Variants in DNAH3 observed in about 807,000 individuals in gnomAD.
DNAH3 encodes the protein axonemal beta dynein heavy chain 3.
In DNAH3, 332 loss-of-function variants were observed where a neutral mutation model predicts 432.5. The ratio of observed to expected loss-of-function variants is 0.77; its 90% confidence interval spans 0.70 to 0.84. The LOEUF is 0.84. DNAH3 is among the 40% of genes least tolerant of loss of function. The probability of loss-of-function intolerance (pLI) is 0.00; values close to 1 mark genes in which losing one functional copy is unlikely to be tolerated. For synonymous variants in DNAH3, 1,956 were observed against 1,900.2 expected, an observed-to-expected ratio of 1.03 and a Z score of -0.76; for missense variants, 4,861 against 5,114.0, an observed-to-expected ratio of 0.95 and a Z score of 1.51.
chr16:21,019,920 G>A, intron 40 of DNAH3, 51 bp from the exon 41 acceptor site: 4 of 1,594,586 alleles, frequency 2.5e-6, no homozygotes, highest in Non-Finnish European at 3.4e-6. Context: ...TGCCACAGAT[G>A]TAAGGGCTGT....
At chr16:21,149,721 G>C (rs1354186127) in intron 1 of DNAH3, among the ~76,000 whole-genome samples, 1 of 152,154 alleles carries the variant, frequency 6.6e-6, no homozygotes, top group Non-Finnish European at 1.5e-5. Flanking sequence ...GGAATATATG[G>C]TCTAATGGGC....
intron 41 of DNAH3, among the ~76,000 whole-genome samples, chr16:21,017,112 T>G (rs530219103): frequency 2.0e-5 from 3 of 152,298 alleles, no homozygotes; most frequent in South Asian, 4.1e-4. Flanking sequence ...GTGAATGTAC[T>G]TAACACCACT....
In DNAH3 at chr16:20,965,126, G is replaced by A; in HGVS notation, c.8758C>T (p.Gln2920Ter). 6.2e-7 allele frequency: 1 copy of A among 1,614,080 alleles called. No homozygotes were observed. The highest frequency in any genetic ancestry group is 8.5e-7 in the Non-Finnish European group (1 of 1,180,030). ...TCTGCTCTTTTCTGGTTCAGCTTCT[G>A]CATCTGTGCAGCCAGCTTCCCCTCT... The change falls in exon 53 of 62, where the codon CAG (glutamine) becomes TAG (stop). Residue 2920 changes from glutamine (Q) to a stop codon, truncating the protein, a stop_gained. Coordinates refer to ENST00000261383, the Ensembl canonical transcript of DNAH3. LOFTEE classifies it high-confidence loss of function.
At position 21,003,364 on chromosome 16, in the gene DNAH3, T is replaced by A. The variant is rs544633089; in HGVS notation, c.6023-157A>T. On this transcript the variant is annotated intron_variant, in intron 41 of 61. Transcript: ENST00000261383. Reference sequence around the variant, plus strand: ...GAAACTTATACATTGCTGGAAAGTGTATAAACTGAAACAACACTTTTTAAA... The same window carrying A: ...GAAACTTATACATTGCTGGAAAGTGAATAAACTGAAACAACACTTTTTAAA... Among the ~76,000 whole-genome samples the A allele has an allele frequency of 2.0e-5, 3 of 152,254 alleles. No homozygotes were observed. In the South Asian group the frequency reaches 6.2e-4, roughly 31 times the overall value.
At chr16:21,120,961 C>T (rs1172234280) in intron 10 of DNAH3, 1 of 834,554 alleles carries the variant, frequency 1.2e-6, no homozygotes, top group South Asian at 1.4e-5. Context: ...CTCCCACACA[C>T]CCAGTTTTAA....
chr16:21,099,858 A>G (rs1299101373), intron 16 of DNAH3, among the ~76,000 whole-genome samples: 1 of 152,202 alleles, frequency 6.6e-6, no homozygotes, highest in African/African-American at 2.4e-5. Flanking sequence ...AAGGAAATAA[A>G]TATGTTTCTT....
At chr16:21,031,424 C>G in intron 36 of DNAH3, 138 bp from the exon 37 acceptor site, 1 of 1,127,374 alleles carries the variant, frequency 8.9e-7, no homozygotes, top group Non-Finnish European at 1.2e-6. Context: ...AAAACATGTG[C>G]TCAGTTTTTA....
intron 53 of DNAH3, 64 bp downstream of exon 53, chr16:20,963,220 G>C (rs1386248723): frequency 1.4e-6 from 2 of 1,476,896 alleles, no homozygotes; most frequent in Non-Finnish European, 1.9e-6. Context: ...TAAGGGACGG[G>C]CTACTGATAT....
exon 3 of DNAH3, chr16:21,145,254 A>T: frequency 6.2e-7 from 1 of 1,613,902 alleles, no homozygotes; most frequent in African/African-American, 1.3e-5. Context: ...CCTTCAGCAG[A>T]TCTTTCAGCT....
exon 46 of DNAH3, chr16:20,987,746 C>A: frequency 6.2e-7 from 1 of 1,614,084 alleles, no homozygotes; most frequent in Non-Finnish European, 8.5e-7. Flanking sequence ...CGTGAGAAGT[C>A]CCGCAGGTTA....
chr16:21,081,123 T>C (rs1597333474), intron 20 of DNAH3, among the ~76,000 whole-genome samples: 1 of 152,062 alleles, frequency 6.6e-6, no homozygotes, highest in African/African-American at 2.4e-5. Flanking sequence ...TTCACTATGT[T>C]GGCCAGGCTG....
chr16:21,019,502 G>C (rs1280936384), intron 41 of DNAH3, 122 bp downstream of exon 41: 3 of 1,065,780 alleles, frequency 2.8e-6, no homozygotes, highest in Non-Finnish European at 4.1e-6. Context: ...ATATTTATTA[G>C]CCACCGTGCC....
intron 34 of DNAH3, 79 bp downstream of exon 34, chr16:21,037,682 G>A: frequency 2.4e-6 from 3 of 1,244,498 alleles, no homozygotes; most frequent in Non-Finnish European, 3.5e-6. Flanking sequence ...AAGAGGGTAT[G>A]GGGAAGGCAC....
At chr16:21,128,380 C>T in intron 7 of DNAH3, among the ~76,000 whole-genome samples, 1 of 147,580 alleles carries the variant, frequency 6.8e-6, no homozygotes, top group Non-Finnish European at 1.5e-5. Context: ...GAGACATCAT[C>T]TCTCCAAAAA....
chr16:21,134,082 G>A (rs2092607222), intron 7 of DNAH3, 177 bp downstream of exon 8: 7 of 592,318 alleles, frequency 1.2e-5, no homozygotes, highest in Admixed American at 6.5e-5. Flanking sequence ...GGAGGGCCAC[G>A]TAAGCCTGCA....
At chr16:21,100,939 T>C (rs1375314836) in intron 16 of DNAH3, among the ~76,000 whole-genome samples, 1 of 152,214 alleles carries the variant, frequency 6.6e-6, no homozygotes, top group African/African-American at 2.4e-5. Flanking sequence ...TATTATTGTT[T>C]CTAATTTCTT....
At chr16:21,132,875 T>C (rs1488409809) in intron 7 of DNAH3, among the ~76,000 whole-genome samples, 1 of 151,256 alleles carries the variant, frequency 6.6e-6, no homozygotes, top group Non-Finnish European at 1.5e-5. Flanking sequence ...AAAGGGTGAA[T>C]TTTATGGAAT....
chr16:20,944,255 A>G (rs1378500545), intron 58 of DNAH3, among the ~76,000 whole-genome samples: 1 of 152,230 alleles, frequency 6.6e-6, no homozygotes, highest in African/African-American at 2.4e-5. Flanking sequence ...TGATAGGTGG[A>G]TATAGCAGAA....
chr16:20,975,586 A>T (rs916617269), intron 50 of DNAH3, among the ~76,000 whole-genome samples, 171 bp from the exon 51 acceptor site: 2 of 152,234 alleles, frequency 1.3e-5, no homozygotes, highest in African/African-American at 4.8e-5. Flanking sequence ...TAGGTTTTTC[A>T]ACACAGTTAT....
Sources: allele counts gnomAD v4.1 joint callset (sites outside exome capture counted in the v4.1 genomes callset), GRCh38; gene constraint gnomAD v4.1.1; transcripts MANE v1.5; gene names NCBI Gene and HGNC (gene_info 2026-07-23, HGNC 2026-07-21).